Variants in SOHLH1 observed in about 807,000 individuals in gnomAD.
SOHLH1 encodes spermatogenesis- and oogenesis-specific basic helix-loop-helix-containing protein 1.
A neutral mutation model predicts 36.2 loss-of-function variants in SOHLH1; 23 were observed. The observed-to-expected ratio is 0.64, with a 90% CI of 0.46 to 0.90. The LOEUF (loss-of-function observed/expected upper bound fraction) is 0.90. SOHLH1 is among the 40% of genes least tolerant of loss of function. SOHLH1 has a pLI of 0.00. For synonymous variants in SOHLH1, 289 were observed against 228.3 expected (o/e 1.27, Z -2.40); for missense variants, 608 against 517.0 (o/e 1.18, Z -1.71).
chr9:135,693,862 G>A lies in SOHLH1; in HGVS notation c.947-48C>T, dbSNP rs370671128. On this transcript the variant is annotated intron_variant, in intron 7 of 7. Coordinates refer to ENST00000425225, the MANE Select transcript of SOHLH1 (RefSeq NM_001101677.2). ...GGCAGGGCAGGCAGGTGCTCTGGGAGCTTGAGGCAGACAGGTGGGGTCGGA... is the reference window on the plus strand; with the variant it reads ...GGCAGGGCAGGCAGGTGCTCTGGGAACTTGAGGCAGACAGGTGGGGTCGGA... The A allele has an allele frequency of 7.2e-5, 109 of 1,520,738 alleles. No individual in the cohort carries two copies. In the African/African-American group the frequency reaches 1.4e-3, roughly 19 times the overall value. 94.2% of individuals were successfully genotyped at this position (1,520,738 alleles called of 1,614,324 possible).
In SOHLH1 at chr9:135,699,018, G is replaced by A. The variant is rs1478000623; in HGVS notation, c.174C>T (p.Asn58=). 1.2e-6 allele frequency: 2 copies of A among 1,611,628 alleles called. No individual in the cohort carries two copies. The highest frequency in any genetic ancestry group is 8.5e-7 in the Non-Finnish European group (1 of 1,179,746). ...AEGPSSCLRR[N]VISERERRKR... The stretch of plus-strand genomic sequence containing the variant: ...ACCTGCGCTCCCTCTCGCTGATCAC[G>A]TTCCGCCGAAGGCAGGAGCTGGGAC... Residue 58 remains asparagine (N), a synonymous_variant, in exon 2 of 8, where the codon AAC becomes AAT. Transcript: ENST00000425225.
At position 135,696,676 on chromosome 9, in the gene SOHLH1, G is replaced by A; in HGVS notation, c.597C>T (p.Gly199=). The A allele has an allele frequency of 6.2e-7, 1 of 1,612,916 alleles. No individual in the cohort carries two copies. Among genetic ancestry groups the A allele is most frequent in the Non-Finnish European group, 8.5e-7 (1 of 1,179,924 alleles). ...CCAACAGTGCCTCACACTTGTCCGT[G>A]CCCAGGGACGTGCAGCTCGCGGGGT... The part of the protein sequence containing the change: ...QWDPASCTSL[G]TDKCEALLGL... The change falls in exon 5 of 8, where the codon GGC becomes GGT. Residue 199 remains glycine (G), a synonymous_variant. Transcript: ENST00000425225.
chr9:135,695,920 C>T (rs1020499666), intron 5 of SOHLH1, among the ~76,000 whole-genome samples: 4 of 151,952 alleles, frequency 2.6e-5, no homozygotes, highest in African/African-American at 7.3e-5. Context: ...ATTACAGTTC[C>T]TGCCATGGCC....
chr9:135,701,781 G>A (rs1588238284), upstream of SOHLH1, among the ~76,000 whole-genome samples: 1 of 152,088 alleles, frequency 6.6e-6, no homozygotes. Flanking sequence ...TGTTGACCAC[G>A]GCAGAGCAGC....
chr9:135,698,247 G>T, intron 3 of SOHLH1, 82 bp downstream of exon 3: 10 of 1,586,620 alleles, frequency 6.3e-6, no homozygotes, highest in Non-Finnish European at 8.6e-6. Context: ...GGGGATGACA[G>T]GGGACACACT....
At chr9:135,695,012 C>G in intron 6 of SOHLH1, 38 bp downstream of exon 6, 1 of 1,548,772 alleles carries the variant, frequency 6.5e-7, no homozygotes, top group Non-Finnish European at 8.8e-7. Context: ...CATGCTCGCT[C>G]ACGCACACAC....
intron 3 of SOHLH1, 105 bp downstream of exon 3, chr9:135,698,224 G>A (rs956703104): frequency 1.4e-5 from 22 of 1,518,690 alleles, no homozygotes; most frequent in Middle Eastern, 3.5e-4. Context: ...AGACCCAGAG[G>A]GCTGAAGGAG....
Position 135,697,534 on chromosome 9 carries a change from G to T in SOHLH1, c.439C>A (p.Pro147Thr), listed in dbSNP as rs754545638. The T allele has an allele frequency of 1.2e-6, 2 of 1,612,368 alleles. No homozygotes were observed. Among genetic ancestry groups the T allele is most frequent in the South Asian group, 1.1e-5 (1 of 91,046 alleles). Reference sequence around the variant, plus strand: ...GTCCCGCTGGACGCTCCCGTCCCAGGGTCTGGCACACCTGCTTGAATCTGA... The same window carrying T: ...GTCCCGCTGGACGCTCCCGTCCCAGTGTCTGGCACACCTGCTTGAATCTGA... The part of the protein sequence containing the change: ...SSQIQAGVPD[P>T]GTGASSGTRT... Residue 147 changes from proline to threonine, a missense_variant, in exon 4 of 8, where the codon CCT becomes ACT. Transcript: ENST00000425225.
intron 2 of SOHLH1, 93 bp from the exon 3 acceptor site, chr9:135,698,569 C>T (rs968095577): frequency 4.4e-6 from 7 of 1,574,860 alleles, no homozygotes; most frequent in East Asian, 4.5e-5. Context: ...AGACCCTGGG[C>T]GCTTGTCAGG....
At chr9:135,694,756 C>A (rs1564296812) in intron 6 of SOHLH1, among the ~76,000 whole-genome samples, 1 of 151,980 alleles carries the variant, frequency 6.6e-6, no homozygotes, top group African/African-American at 2.4e-5. Context: ...CTCCCACACC[C>A]CAGCTGGTAT....
chr9:135,695,305 C>T, intron 5 of SOHLH1, 42 bp from the exon 6 acceptor site: 3 of 1,548,884 alleles, frequency 1.9e-6, no homozygotes, highest in Non-Finnish European at 2.6e-6. Flanking sequence ...CCCTGCCCAG[C>T]CCCACAGGCT....
chr9:135,699,340 G>T (rs774221052), intron 1 of SOHLH1, 63 bp downstream of exon 1: 100 of 1,554,100 alleles, frequency 6.4e-5, no homozygotes, highest in Non-Finnish European at 8.4e-5. Context: ...AGCAACTTGC[G>T]GAAGAACCCC....
chr9:135,698,801 G>A (rs1008255730), intron 2 of SOHLH1, among the ~76,000 whole-genome samples, 194 bp downstream of exon 2: 2 of 152,230 alleles, frequency 1.3e-5, no homozygotes, highest in African/African-American at 4.8e-5. Context: ...CAAGGCTTCA[G>A]GATAAAGAGG....
upstream of SOHLH1, chr9:135,702,037 TACCCCGCACCCCCGTCCCAGCCTGG>T: frequency 2.4e-6 from 1 of 413,508 alleles, no homozygotes; most frequent in South Asian, 2.8e-5. Flanking sequence ...TCGCCCTCCC[TACCCCGCACCCCCGTCCCAGCCTGG>T]GCCAGAGCCG....
At chr9:135,699,521 C>T (rs1306630147), upstream of SOHLH1, 3 of 1,573,974 alleles carry the variant, frequency 1.9e-6, no homozygotes, top group East Asian at 6.9e-5. Flanking sequence ...GCAGGCAGCC[C>T]CGCCCCCTCA....
upstream of SOHLH1, chr9:135,699,615 C>G (rs542070212): frequency 1.1e-4 from 95 of 835,896 alleles, 1 homozygote; most frequent in Admixed American, 9.4e-4. Flanking sequence ...CGCATGCGCT[C>G]TAGCCCTCCC....
chr9:135,694,165 A>G, intron 7 of SOHLH1: 1 of 1,436,032 alleles, frequency 7.0e-7, no homozygotes. Flanking sequence ...GCCAGCTCTC[A>G]TGCAGGCTCG....
At chr9:135,701,002 G>A (rs561949221), upstream of SOHLH1, among the ~76,000 whole-genome samples, 247 of 152,318 alleles carry the variant, frequency 1.6e-3, 1 homozygote, top group Non-Finnish European at 2.9e-3. Context: ...CAGATGGTGC[G>A]GCCTCTCAGT....
At chr9:135,698,693 C>T (rs1834907741) in intron 2 of SOHLH1, among the ~76,000 whole-genome samples, 1 of 152,198 alleles carries the variant, frequency 6.6e-6, no homozygotes, top group South Asian at 2.1e-4. Flanking sequence ...CTGTCCAGCC[C>T]AGGCCCAAAC....
Sources: allele counts gnomAD v4.1 joint callset (sites outside exome capture counted in the v4.1 genomes callset), GRCh38; gene constraint gnomAD v4.1.1; transcripts MANE v1.5; gene names NCBI Gene and HGNC (gene_info 2026-07-23, HGNC 2026-07-21).